SYNE3: variants seen among roughly 807,000 people sequenced by gnomAD.
SYNE3 encodes the protein nesprin-3.
A neutral mutation model predicts 111.2 loss-of-function variants in SYNE3; 100 were observed. The observed-to-expected ratio is 0.90, with a 90% confidence interval of 0.77 to 1.06. The LOEUF is 1.06. Among genes scored for constraint, SYNE3 ranks in the 50% least tolerant of loss-of-function variants. The probability of loss-of-function intolerance (pLI) is 0.00; values close to 1 mark genes in which losing one functional copy is unlikely to be tolerated. For synonymous variants in SYNE3, 547 were observed against 533.9 expected, an observed-to-expected ratio of 1.02 and a Z score of -0.34; for missense variants, 1,160 against 1,240.3, an observed-to-expected ratio of 0.94 and a Z score of 0.97.
chr14:95,461,487 C>G (rs1424391997), intron 4 of SYNE3, among the ~76,000 whole-genome samples: 2 of 152,228 alleles, frequency 1.3e-5, no homozygotes, highest in African/African-American at 4.8e-5. Flanking sequence ...TCAAGAATCT[C>G]CCTCTAGCAG....
chr14:95,513,292 G>T (rs1222316396), intron 1 of SYNE3, among the ~76,000 whole-genome samples: 1 of 152,058 alleles, frequency 6.6e-6, no homozygotes, highest in African/African-American at 2.4e-5. Flanking sequence ...TGCTTAGTTT[G>T]GTTGTGTTTT....
In SYNE3 at chr14:95,436,856, T is replaced by C; in HGVS notation, c.2502A>G (p.Thr834=). Residue 834 remains threonine, a synonymous_variant, in exon 15 of 18, where the codon ACA becomes ACG. Coordinates refer to ENST00000682763, the MANE Select transcript of SYNE3 (RefSeq NM_152592.6). ...ATTTTCTGGTCCTCAAGTCCTCAGC[T>C]GTAGAAGTTCTCATTGCGATGATTC... The part of the protein sequence containing the change: ...LVRIIAMRTS[T]AEDLRTRKSK... 6.2e-7 allele frequency: 1 copy of C among 1,614,210 alleles called. No homozygotes were observed.
chr14:95,494,076 G>A (rs376743205), intron 1 of SYNE3, among the ~76,000 whole-genome samples: 13 of 151,944 alleles, frequency 8.6e-5, no homozygotes, highest in East Asian at 7.7e-4. Context: ...CAGCTACTCA[G>A]GAGGCTGAGG....
Position 95,446,075 on chromosome 14 carries a change from C to T in SYNE3, c.1466G>A (p.Ser489Asn). ...LPQIEAALME[S>N]SRLKELLTML... ...CGTCAGCAGCTCTTTCAGGCGGGAG[C>T]TTTCCATCAGGGCTGCCTGTGGGAG... Residue 489 changes from serine to asparagine, a missense_variant, in exon 9 of 18, where the codon AGC becomes AAC. Transcript: ENST00000682763. 6.2e-7 allele frequency: 1 copy of T among 1,614,070 alleles called. No individual in the cohort carries two copies. Among genetic ancestry groups the T allele is most frequent in the Non-Finnish European group, 8.5e-7 (1 of 1,180,034 alleles).
At chr14:95,474,940 G>A (rs1193445122) in intron 2 of SYNE3, among the ~76,000 whole-genome samples, 1 of 152,378 alleles carries the variant, frequency 6.6e-6, no homozygotes, top group Middle Eastern at 3.4e-3. Context: ...AGGTGTGGAA[G>A]TCAACTGCTC....
At chr14:95,449,410 G>A in intron 8 of SYNE3, 1 of 985,096 alleles carries the variant, frequency 1.0e-6, no homozygotes, top group Non-Finnish European at 1.2e-6. Context: ...TGCATCCGCG[G>A]CTCCATCCGG....
intron 2 of SYNE3, among the ~76,000 whole-genome samples, chr14:95,471,870 T>C (rs891274370): frequency 6.6e-6 from 1 of 152,086 alleles, no homozygotes; most frequent in Admixed American, 6.6e-5. Context: ...GAGAGAAGTA[T>C]CAGGAGACCA....
chr14:95,465,619 G>C (rs1888114410), intron 4 of SYNE3, among the ~76,000 whole-genome samples: 1 of 152,102 alleles, frequency 6.6e-6, no homozygotes, highest in African/African-American at 2.4e-5. Context: ...ATGGATGAGT[G>C]AGTCAACAGA....
At chr14:95,498,179 T>C (rs1038886426) in intron 1 of SYNE3, among the ~76,000 whole-genome samples, 2 of 148,676 alleles carry the variant, frequency 1.3e-5, no homozygotes, top group Admixed American at 1.3e-4. Context: ...AATTAAAAGA[T>C]TTTTGTTTGT....
rs756668639 is a variant in SYNE3 at position 95,452,373 on chromosome 14, G to A, written c.1148C>T (p.Ala383Val). 5.6e-6 allele frequency: 9 copies of A among 1,608,720 alleles called. No homozygotes were observed. The highest frequency in any genetic ancestry group is 4.4e-5 in the South Asian group (4 of 90,606). The change falls in exon 7 of 18, where the codon GCG becomes GTG. Residue 383 changes from alanine to valine, a missense_variant. Transcript: ENST00000682763. ...AHWRRYSATR[A>V]ALASEEPRVD... The stretch of plus-strand genomic sequence containing the variant: ...CCGGGGCTCCTCCGAGGCCAGCGCC[G>A]CCCGTGTTGCCTGCAGCACATGACG...
chr14:95,450,993 T>C (rs1887040021), intron 7 of SYNE3: 1 of 152,054 alleles, frequency 6.6e-6, no homozygotes, highest in Non-Finnish European at 1.5e-5. Flanking sequence ...AAAAAACAAA[T>C]AATAGAAATG....
chr14:95,427,569 C>T (rs1272399957), intron 17 of SYNE3, among the ~76,000 whole-genome samples: 1 of 145,910 alleles, frequency 6.9e-6, no homozygotes, highest in Non-Finnish European at 1.5e-5. Context: ...AAGCTGTCCT[C>T]TCTCTCTCCC....
chr14:95,466,035 C>T lies in SYNE3; in HGVS notation c.523G>A (p.Glu175Lys), dbSNP rs542535872. The change falls in exon 4 of 18, where the codon GAG (glutamate) becomes AAG (lysine). Residue 175 changes from glutamate (E) to lysine (K), a missense_variant. Physicochemically the swap from Glu to Lys is moderately conservative, Grantham distance 56. Coordinates refer to ENST00000682763, the MANE Select transcript of SYNE3 (RefSeq NM_152592.6). ...CTGTTGAACAGGGAGGCTGCCTCCT[C>T]CAGCAGCCGGTCCAGGAGCACCGCC... Reference protein sequence around the residue: ...NQAVLLDRLLEEAASLFNRIG... With the variant: ...NQAVLLDRLLKEAASLFNRIG... 75 of 1,612,772 alleles carry T rather than the reference C, an allele frequency of 4.7e-5. No homozygotes were observed. The South Asian group carries it at 7.1e-4, about 15-fold the overall frequency.
intron 17 of SYNE3, among the ~76,000 whole-genome samples, chr14:95,428,053 T>C (rs987935628): frequency 1.3e-5 from 2 of 152,204 alleles, no homozygotes; most frequent in Non-Finnish European, 2.9e-5. Context: ...GTGCATCTGA[T>C]TGGAAAGCCC....
intron 4 of SYNE3, among the ~76,000 whole-genome samples, chr14:95,461,804 A>T (rs1229214604): frequency 6.6e-6 from 1 of 152,134 alleles, no homozygotes; most frequent in Admixed American, 6.6e-5. Context: ...TATGCAGGGG[A>T]GGTCTTCATC....
chr14:95,433,157 C>A, intron 16 of SYNE3, 103 bp downstream of exon 16: 1 of 1,485,112 alleles, frequency 6.7e-7, no homozygotes. Context: ...TGTGAATGCA[C>A]AGGGCAGGGT....
intron 4 of SYNE3, 138 bp downstream of exon 4, chr14:95,465,793 A>G: frequency 2.1e-6 from 2 of 948,354 alleles, no homozygotes; most frequent in Non-Finnish European, 3.0e-6. Context: ...ACAGGTGAGT[A>G]GATGGATTGA....
At chr14:95,476,109 G>A (rs142791927) in intron 1 of SYNE3, among the ~76,000 whole-genome samples, 7 of 152,336 alleles carry the variant, frequency 4.6e-5, no homozygotes, top group African/African-American at 7.2e-5. Context: ...TCCTCTTCTC[G>A]AAGCTTGAGG....
chr14:95,446,289 C>T (rs926720939), intron 8 of SYNE3, among the ~76,000 whole-genome samples, 198 bp from the exon 9 acceptor site: 1 of 152,214 alleles, frequency 6.6e-6, no homozygotes, highest in African/African-American at 2.4e-5. Flanking sequence ...TCGGGGTCAA[C>T]TTTGATTCCT....
Sources: allele counts gnomAD v4.1 joint callset (sites outside exome capture counted in the v4.1 genomes callset), GRCh38; gene constraint gnomAD v4.1.1; transcripts MANE v1.5; gene names NCBI Gene and HGNC (gene_info 2026-07-23, HGNC 2026-07-21).